DNAJC7: variants seen among roughly 807,000 people sequenced by gnomAD.
DNAJC7 encodes dnaJ homolog subfamily C member 7.
A neutral mutation model predicts 67.4 loss-of-function variants in DNAJC7; 18 were observed. That is an observed-to-expected ratio of 0.27 (90% CI 0.18 to 0.40). The LOEUF is 0.40. Ranked by LOEUF, DNAJC7 falls within the 10% of genes least tolerant of loss-of-function variation. The pLI, the probability that DNAJC7 is intolerant of heterozygous loss-of-function variation, is 1.00. For synonymous variants in DNAJC7, 220 were observed against 207.8 expected (o/e 1.06, Z -0.50); for missense variants, 419 against 613.8 (o/e 0.68, Z 3.35).
intron 5 of DNAJC7, chr17:41,992,672 G>C (rs1244963280): frequency 1.3e-5 from 2 of 152,214 alleles, no homozygotes; most frequent in African/African-American, 4.8e-5. Context: ...GGGATCGTCA[G>C]TGCTTCACTT....
chr17:42,016,005 T>C (rs1307825078), intron 1 of DNAJC7: 1 of 152,230 alleles, frequency 6.6e-6, no homozygotes, highest in East Asian at 1.9e-4. Flanking sequence ...AGCTCTTTAA[T>C]GATGTATAAG....
At chr17:42,006,853 C>CA (rs1377297029) in intron 1 of DNAJC7, among the ~76,000 whole-genome samples, 2 of 123,972 alleles carry the variant, frequency 1.6e-5, no homozygotes, top group Non-Finnish European at 3.2e-5. Context: ...ATAATCCCAG[C>CA]ACTTTGGGAG....
rs144776338 is a variant in DNAJC7, at chr17:41,981,330, G to A, written c.1384+525C>T. ...TCATGCCTCGGCCTCCCGAGTAGCT[G>A]GGATTACAGGCGCCCACCACCACAC... On this transcript the variant is annotated intron_variant, in intron 12 of 13. Coordinates refer to ENST00000457167, the MANE Select transcript of DNAJC7 (RefSeq NM_003315.4). Among the ~76,000 whole-genome samples the A allele has an allele frequency of 7.0e-4, 106 of 152,198 alleles. 3 individuals are homozygous for A. In the East Asian group the frequency reaches 0.02, roughly 29 times the overall value.
intron 1 of DNAJC7, among the ~76,000 whole-genome samples, chr17:42,003,061 C>T (rs2051851201): frequency 6.6e-6 from 1 of 152,162 alleles, no homozygotes; most frequent in Non-Finnish European, 1.5e-5. Flanking sequence ...AATGTAGAGT[C>T]AGCCCACAGC....
At chr17:42,013,658 T>G (rs1555651392) in intron 1 of DNAJC7, 1 of 152,244 alleles carries the variant, frequency 6.6e-6, no homozygotes. Context: ...TGCCCTCTGC[T>G]ATGGCCACAC....
chr17:41,992,973 A>AAC (rs2051548852), intron 5 of DNAJC7, among the ~76,000 whole-genome samples: 1 of 152,198 alleles, frequency 6.6e-6, no homozygotes, highest in South Asian at 2.1e-4. Context: ...TTGCTTTCCA[A>AAC]ACACACACAT....
In DNAJC7 at chr17:41,999,088, G is replaced by GT. The variant is rs1184680275; in HGVS notation, c.166+1393dup. ...GAAAAAAGTTATCATTCATGAGTTT[G>GT]TTTTTTTTTTTGAGACGGAGATTCG... On this transcript the variant is annotated intron_variant, in intron 2 of 13. Coordinates refer to ENST00000457167, the MANE Select transcript of DNAJC7 (RefSeq NM_003315.4). 1.4e-3 allele frequency among the ~76,000 whole-genome samples: 206 copies of GT among 145,938 alleles called. 1 individual carries two copies. The highest frequency in any genetic ancestry group is 0.01 in the Middle Eastern group (3 of 286).
In DNAJC7 at chr17:41,997,185, A is replaced by G. The variant is rs1555648791; in HGVS notation, c.221T>C (p.Met74Thr). 6.2e-7 allele frequency: 1 copy of G among 1,614,022 alleles called. No homozygotes were observed. Among genetic ancestry groups the G allele is most frequent in the Admixed American group, 1.7e-5 (1 of 60,018 alleles). ...YYGNRAATLMMLGRFREALGD... is the reference protein window; with the variant it reads ...YYGNRAATLMTLGRFREALGD... ...AAGAGCTTCCCGGAACCTTCCAAGC[A>G]TCATCAAGGTGGCTGCTCGATTACC... is the stretch of plus-strand genomic sequence containing the variant. The change falls in exon 3 of 14, where the codon ATG becomes ACG. Residue 74 changes from methionine (M) to threonine (T), a missense_variant. By Grantham distance (81) the Met-to-Thr change is moderately conservative. Around this residue, in one of 4 missense-constraint regions of DNAJC7, gnomAD observed 179 missense variants for 249.7 expected, o/e 0.72. Transcript: ENST00000457167.
chr17:42,002,065 C>A (rs1230442513), intron 1 of DNAJC7, among the ~76,000 whole-genome samples: 6 of 152,150 alleles, frequency 3.9e-5, no homozygotes, highest in African/African-American at 1.4e-4. Flanking sequence ...CAACTGAAAT[C>A]TTGCTACATG....
At chr17:41,990,826 C>T (rs1200358369) in intron 5 of DNAJC7, among the ~76,000 whole-genome samples, 2 of 152,034 alleles carry the variant, frequency 1.3e-5, no homozygotes, top group Non-Finnish European at 2.9e-5. Context: ...GCCACCACGC[C>T]CAAGCTAATT....
chr17:41,987,822 T>G lies in DNAJC7; in HGVS notation c.1007A>C (p.Gln336Pro). Residue 336 changes from glutamine to proline, a missense_variant, in exon 9 of 14, where the codon CAG (glutamine) becomes CCG (proline). Around this residue, in one of 4 missense-constraint regions of DNAJC7, gnomAD observed 161 missense variants for 252.2 expected, o/e 0.64. Coordinates refer to ENST00000457167, the MANE Select transcript of DNAJC7 (RefSeq NM_003315.4). ...CCTACCCATCAGAGGCACTTACCAC[T>G]GAGCTCTTCTCAAGTAGGCTTTTAT... is the stretch of plus-strand genomic sequence containing the variant. The part of the protein sequence containing the change: ...TYIKAYLRRA[Q>P]CYMDTEQYEE... The G allele has an allele frequency of 6.2e-7, 1 of 1,606,874 alleles. No homozygotes were observed. The highest frequency in any genetic ancestry group is 8.5e-7 in the Non-Finnish European group (1 of 1,176,428).
In DNAJC7 at chr17:41,990,364, G is replaced by A. The variant is rs781895803; in HGVS notation, c.499C>T (p.Arg167Cys). Reference protein sequence around the residue: ...DFRKVVFCMDRALEFAPACHR... With the variant: ...DFRKVVFCMDCALEFAPACHR... The stretch of plus-strand genomic sequence containing the variant: ...CAGGCAGGGGCAAATTCTAGGGCAC[G>A]GTCCATGCAGAAAACAACCTGTAGG... Residue 167 changes from arginine (R) to cysteine (C), a missense_variant, in exon 6 of 14, where the codon CGT (arginine) becomes TGT (cysteine). Arg to Cys is a radical substitution (Grantham distance 180). Coordinates refer to ENST00000457167, the MANE Select transcript of DNAJC7 (RefSeq NM_003315.4). The A allele has an allele frequency of 3.7e-6, 6 of 1,608,980 alleles. No individual in the cohort carries two copies. The highest frequency in any genetic ancestry group is 3.4e-6 in the Non-Finnish European group (4 of 1,177,722).
At chr17:41,983,762 A>G (rs2051307809) in intron 9 of DNAJC7, 126 bp from the exon 10 acceptor site, 1 of 717,202 alleles carries the variant, frequency 1.4e-6, no homozygotes, top group Non-Finnish European at 2.2e-6. Flanking sequence ...CTTCAGAAAC[A>G]GGAGCCCTTA....
chr17:41,995,472 G>A (rs2051632043), intron 4 of DNAJC7, among the ~76,000 whole-genome samples: 2 of 152,328 alleles, frequency 1.3e-5, no homozygotes, highest in East Asian at 3.9e-4. Flanking sequence ...ACAATGAACT[G>A]TATATATGGC....
chr17:41,983,961 G>A (rs1399921901), intron 9 of DNAJC7, among the ~76,000 whole-genome samples: 1 of 152,168 alleles, frequency 6.6e-6, no homozygotes, highest in Non-Finnish European at 1.5e-5. Flanking sequence ...AATGTGAAGG[G>A]ATCTACTTGA....
At chr17:42,010,761 T>C (rs1340540603) in intron 1 of DNAJC7, among the ~76,000 whole-genome samples, 8 of 152,122 alleles carry the variant, frequency 5.3e-5, no homozygotes, top group African/African-American at 1.7e-4. Context: ...TCAAGAGAGA[T>C]GGTTAACACT....
chr17:42,010,194 A>G (rs1395857718), intron 1 of DNAJC7, among the ~76,000 whole-genome samples: 1 of 142,882 alleles, frequency 7.0e-6, no homozygotes, highest in Non-Finnish European at 1.5e-5. Flanking sequence ...GAAAGAGGCT[A>G]CTTCCTAGGC....
At chr17:41,978,785 C>G (rs1213730035) in intron 12 of DNAJC7, among the ~76,000 whole-genome samples, 1 of 152,152 alleles carries the variant, frequency 6.6e-6, no homozygotes, top group African/African-American at 2.4e-5. Context: ...GAGGCTAAGG[C>G]AGGAGAATGG....
intron 9 of DNAJC7, chr17:41,985,266 CT>C (rs2051347553): frequency 6.6e-6 from 1 of 152,094 alleles, no homozygotes; most frequent in African/African-American, 2.4e-5. Flanking sequence ...TGATTTATGA[CT>C]TTAAAAAAAC....
Sources: allele counts gnomAD v4.1 joint callset (sites outside exome capture counted in the v4.1 genomes callset), GRCh38; gene constraint gnomAD v4.1.1; regional missense constraint gnomAD v4.1.1; transcripts MANE v1.5; gene names NCBI Gene and HGNC (gene_info 2026-07-23, HGNC 2026-07-21).